The following TTBK1 variants were observed in gnomAD, a reference collection of about 807,000 sequenced individuals.
TTBK1 encodes tau-tubulin kinase 1.
Under a neutral mutation model 108.5 loss-of-function variants are expected in TTBK1, and 34 were observed. The ratio of observed to expected loss-of-function variants is 0.31; its 90% CI spans 0.24 to 0.42. The LOEUF (loss-of-function observed/expected upper bound fraction) is 0.42, where lower values mean the gene tolerates loss of function less well. TTBK1 is among the 10% of genes least tolerant of loss of function. The pLI is 1.00. For missense variants in TTBK1, 1,539 were observed against 1,826.0 expected (o/e 0.84, Z 2.86); for synonymous variants, 809 against 795.1 (o/e 1.02, Z -0.29).
Position 43,283,324 on chromosome 6 carries a change from C to T in TTBK1, c.2584C>T (p.Leu862=). 17 of 1,586,492 alleles carry T rather than the reference C, an allele frequency of 1.1e-5. No individual in the cohort carries two copies. Among genetic ancestry groups the T allele is most frequent in the Non-Finnish European group, 1.3e-5 (15 of 1,166,500 alleles). Residue 862 remains leucine, a synonymous_variant, in exon 14 of 15, where the codon CTG becomes TTG. Transcript: ENST00000259750. This position sits in a 1 kb window ranked among gnomAD's most constrained non-coding sequence, Gnocchi z 8.1. ...GGCCCCCGACCCCGACCTGGGCACC[C>T]TGGCTGCCCTCACTCCTCAGCATGA... is the stretch of plus-strand genomic sequence containing the variant. ...ELAPDPDLGT[L]AALTPQHERP... is the part of the protein sequence containing the mutation.
chr6:43,270,969 A>G lies in TTBK1; in HGVS notation c.1986+7619A>G, dbSNP rs574711635. On this transcript the variant is annotated intron_variant, in intron 13 of 14. Transcript: ENST00000259750. ...GGCGGTGGTGAAGACACAGCAGAAG[A>G]GAGGCAGGTTGGATAGGGATCTGGA... is the stretch of plus-strand genomic sequence containing the variant. 9 of 985,476 alleles carry G rather than the reference A, an allele frequency of 9.1e-6. No homozygotes were observed. In the South Asian group the frequency reaches 4.2e-4, roughly 46 times the overall value. 61.0% of individuals were successfully genotyped at this position (985,476 alleles called of 1,614,324 possible).
At chr6:43,280,352 G>A (rs1437040033) in intron 13 of TTBK1, among the ~76,000 whole-genome samples, 1 of 152,192 alleles carries the variant, frequency 6.6e-6, no homozygotes, top group Non-Finnish European at 1.5e-5. Context: ...TGGGGAGGGG[G>A]CCAATGACCT....
chr6:43,274,743 C>T (rs1777918789), intron 13 of TTBK1, among the ~76,000 whole-genome samples: 1 of 151,940 alleles, frequency 6.6e-6, no homozygotes, highest in African/African-American at 2.4e-5. Context: ...TGTCAAGCAT[C>T]CTTCTCCCTA....
chr6:43,275,038 C>T (rs1777929074), intron 13 of TTBK1, among the ~76,000 whole-genome samples: 1 of 152,182 alleles, frequency 6.6e-6, no homozygotes, highest in African/African-American at 2.4e-5. Context: ...CACTTGGCCA[C>T]TCACTAACCG....
rs2150676453 is a variant in TTBK1, at chr6:43,243,896, C to G, written c.-55+188C>G. Among the ~76,000 whole-genome samples, 1 of 152,254 alleles carries G rather than the reference C, an allele frequency of 6.6e-6. No homozygotes were observed. Among genetic ancestry groups the G allele is most frequent in the South Asian group, 2.1e-4 (1 of 4,828 alleles). The stretch of plus-strand genomic sequence containing the variant: ...CGAGGCCTGGAGCCGCTCCCTGTCC[C>G]CAGCACACAGACCTCCCTCCCCAAC... On this transcript the variant is annotated intron_variant, in intron 1 of 14. Coordinates refer to ENST00000259750, the MANE Select transcript of TTBK1 (RefSeq NM_032538.3). The surrounding 1 kb of genome is among the most constrained non-coding windows in gnomAD (Gnocchi z 5.5).
In TTBK1 at chr6:43,262,824, A is replaced by G. The variant is rs1381404779; in HGVS notation, c.1460A>G (p.Gln487Arg). Reference protein sequence around the residue: ...RMDLPGSPSRQACSSQPAQML... With the variant: ...RMDLPGSPSRRACSSQPAQML... ...GATCTGCCTGGCTCGCCCTCGCGCCAGGCCTGCTCCTCTCAGCCAGCCCAG... is the reference window on the plus strand; with the variant it reads ...GATCTGCCTGGCTCGCCCTCGCGCCGGGCCTGCTCCTCTCAGCCAGCCCAG... The change falls in exon 13 of 15, where the codon CAG becomes CGG. Residue 487 changes from glutamine (Q) to arginine (R), a missense_variant. By Grantham distance (43) the Gln-to-Arg change is conservative. Transcript: ENST00000259750. 1 of 1,593,152 alleles carries G rather than the reference A, an allele frequency of 6.3e-7. No individual in the cohort carries two copies. Among genetic ancestry groups the G allele is most frequent in the Middle Eastern group, 2.0e-4 (1 of 4,880 alleles).
In TTBK1 at chr6:43,276,263, C is replaced by G. The variant is rs1260060087; in HGVS notation, c.1987-6464C>G. ...GAAGCATGCACGAAAAACTCAAAACCACACACACGCTCACACGCACACACA... is the reference window on the plus strand; with the variant it reads ...GAAGCATGCACGAAAAACTCAAAACGACACACACGCTCACACGCACACACA... On this transcript the variant is annotated intron_variant, in intron 13 of 14. Coordinates refer to ENST00000259750, the MANE Select transcript of TTBK1 (RefSeq NM_032538.3). The surrounding 1 kb of genome is among the most constrained non-coding windows in gnomAD (Gnocchi z 5.4). Among the ~76,000 whole-genome samples the G allele has an allele frequency of 6.6e-6, 1 of 152,154 alleles. No individual in the cohort carries two copies. The highest frequency in any genetic ancestry group is 1.5e-5 in the Non-Finnish European group (1 of 68,022).
Position 43,282,740 on chromosome 6 carries a change from C to T in TTBK1, c.2000C>T (p.Ala667Val), listed in dbSNP as rs759427455. 16 of 1,603,902 alleles carry T rather than the reference C, an allele frequency of 1.0e-5. No individual in the cohort carries two copies. Among genetic ancestry groups the T allele is most frequent in the South Asian group, 3.3e-5 (3 of 90,390 alleles). The change falls in exon 14 of 15, where the codon GCG becomes GTG. Residue 667 changes from alanine (A) to valine (V), a missense_variant. Ala to Val is a moderately conservative substitution (Grantham distance 64). Around this residue, in one of 5 missense-constraint regions of TTBK1, gnomAD observed 1,055 missense variants for 1,086.5 expected, o/e 0.97. Transcript: ENST00000259750. This position sits in a 1 kb window ranked among gnomAD's most constrained non-coding sequence, Gnocchi z 5.4. ...TGCCCCTTGCAGGTGTTCTCCGTGGCGCCCCCATTTGAGGTGAATGGCCTC... is the reference window on the plus strand; with the variant it reads ...TGCCCCTTGCAGGTGTTCTCCGTGGTGCCCCCATTTGAGGTGAATGGCCTC... Reference protein sequence around the residue: ...TGPQRQVFSVAPPFEVNGLPR... With the variant: ...TGPQRQVFSVVPPFEVNGLPR...
intron 13 of TTBK1, among the ~76,000 whole-genome samples, chr6:43,267,310 C>T (rs868343911): frequency 6.6e-6 from 1 of 152,224 alleles, no homozygotes; most frequent in South Asian, 2.1e-4. Context: ...GGGCCTATGG[C>T]AGGACCTCCC....
At chr6:43,270,047 C>T (rs2150702662) in intron 13 of TTBK1, 1 of 1,421,458 alleles carries the variant, frequency 7.0e-7, no homozygotes, top group Non-Finnish European at 9.1e-7. Flanking sequence ...ATCACACACT[C>T]ACACATCCCA....
Position 43,283,120 on chromosome 6 carries a change from G to A in TTBK1, c.2380G>A (p.Glu794Lys). 3.2e-6 allele frequency: 5 copies of A among 1,577,758 alleles called. No homozygotes were observed. The highest frequency in any genetic ancestry group is 4.3e-6 in the Non-Finnish European group (5 of 1,162,398). Residue 794 changes from glutamate (E) to lysine (K), a missense_variant, in exon 14 of 15, where the codon GAG (glutamate) becomes AAG (lysine). Around this residue, in one of 5 missense-constraint regions of TTBK1, gnomAD observed 1,055 missense variants for 1,086.5 expected, o/e 0.97. Coordinates refer to ENST00000259750, the MANE Select transcript of TTBK1 (RefSeq NM_032538.3). This position sits in a 1 kb window ranked among gnomAD's most constrained non-coding sequence, Gnocchi z 8.1. The stretch of plus-strand genomic sequence containing the variant: ...TAGTGGCTCCAGCAGTGAGGGGAGT[G>A]AGAGGAGCACTGACCGGAGCCAGGA... ...PRSGSSSEGS[E>K]RSTDRSQEGA...
chr6:43,272,469 A>G lies in TTBK1; in HGVS notation c.1986+9119A>G, dbSNP rs79427556. The G allele has an allele frequency of 9.7e-3, 9,530 of 985,388 alleles. 67 individuals carry two copies. The highest frequency in any genetic ancestry group is 0.011 in the Non-Finnish European group (9,013 of 829,930). 61.0% of individuals were successfully genotyped at this position (985,388 alleles called of 1,614,324 possible). On this transcript the variant is annotated intron_variant, in intron 13 of 14. Transcript: ENST00000259750. ...AGAAGGCGGCTGAGTTTTCAAACACACACCCCCCACCTCAGAACTGACACC... is the reference window on the plus strand; with the variant it reads ...AGAAGGCGGCTGAGTTTTCAAACACGCACCCCCCACCTCAGAACTGACACC...
At position 43,253,439 on chromosome 6, in the gene TTBK1, G is replaced by A; in HGVS notation, c.330+75G>A. The A allele has an allele frequency of 6.2e-7, 1 of 1,603,388 alleles. No individual in the cohort carries two copies. The highest frequency in any genetic ancestry group is 1.3e-5 in the African/African-American group (1 of 74,592). ...TGACTCCAGGGTAGGGGAAGGGAAG[G>A]TAGACTGTGGCCCTGGGAAAGGGCA... On this transcript the variant is annotated intron_variant, in intron 4 of 14. Transcript: ENST00000259750. The surrounding 1 kb of genome is among the most constrained non-coding windows in gnomAD (Gnocchi z 5.8).
Position 43,285,124 on chromosome 6 carries a change from C to A in TTBK1, c.3714C>A (p.Ser1238=). The part of the protein sequence containing the change: ...PAPRSPRLPA[S]TSAARNASAS... ...CGCGCAGCCCGCGCCTCCCCGCGTC[C>A]ACATCCGCCGCGCGCAATGCCAGCG... The change falls in exon 15 of 15, where the codon TCC becomes TCA. Residue 1238 remains serine (S), a synonymous_variant. Coordinates refer to ENST00000259750, the MANE Select transcript of TTBK1 (RefSeq NM_032538.3). This position sits in a 1 kb window ranked among gnomAD's most constrained non-coding sequence, Gnocchi z 4.7. 6.8e-7 allele frequency: 1 copy of A among 1,465,064 alleles called. No individual in the cohort carries two copies. Among genetic ancestry groups the A allele is most frequent in the Non-Finnish European group, 9.0e-7 (1 of 1,115,602 alleles). The allele number at this position is 1,465,064 out of a possible 1,614,324, so 90.8% of individuals were successfully genotyped here.
Position 43,282,597 on chromosome 6 carries a change from A to G in TTBK1, c.1987-130A>G, listed in dbSNP as rs1367738682. On this transcript the variant is annotated intron_variant, in intron 13 of 14. Transcript: ENST00000259750. This position sits in a 1 kb window ranked among gnomAD's most constrained non-coding sequence, Gnocchi z 5.4. ...AAGACAGACCCAGTGCCTGTGCTTAACTTTATGGAGCTCACACTCTGGTAG... is the reference window on the plus strand; with the variant it reads ...AAGACAGACCCAGTGCCTGTGCTTAGCTTTATGGAGCTCACACTCTGGTAG... 1.3e-6 allele frequency: 1 copy of G among 756,734 alleles called. No homozygotes were observed. Among genetic ancestry groups the G allele is most frequent in the Non-Finnish European group, 2.2e-6 (1 of 452,110 alleles). 46.9% of individuals were successfully genotyped at this position (756,734 alleles called of 1,614,324 possible).
At chr6:43,254,817 C>T (rs1238765035) in intron 6 of TTBK1, among the ~76,000 whole-genome samples, 166 bp downstream of exon 6, 4 of 152,122 alleles carry the variant, frequency 2.6e-5, no homozygotes, top group Admixed American at 6.5e-5. Flanking sequence ...CCCCTCTCGC[C>T]GTTAGCCTGT....
Position 43,263,000 on chromosome 6 carries a change from A to G in TTBK1, c.1636A>G (p.Ile546Val), listed in dbSNP as rs767495689. Reference protein sequence around the residue: ...EDFDSKEWVIIDKETELKDFP... With the variant: ...EDFDSKEWVIVDKETELKDFP... ...TTTCGACAGCAAAGAGTGGGTCATC[A>G]TCGACAAGGAGACGGAGCTCAAGGA... The change falls in exon 13 of 15, where the codon ATC becomes GTC. Residue 546 changes from isoleucine (I) to valine (V), a missense_variant. Around this residue, in one of 5 missense-constraint regions of TTBK1, gnomAD observed 1,055 missense variants for 1,086.5 expected, o/e 0.97. Transcript: ENST00000259750. The G allele has an allele frequency of 6.2e-6, 10 of 1,611,308 alleles. No individual in the cohort carries two copies. The highest frequency in any genetic ancestry group is 5.9e-6 in the Non-Finnish European group (7 of 1,178,820).
rs1428116977 is a variant in TTBK1 at position 43,263,128 on chromosome 6, G to A, written c.1764G>A (p.Gly588=). The A allele has an allele frequency of 3.8e-6, 6 of 1,567,914 alleles. No individual in the cohort carries two copies. The South Asian group carries it at 5.8e-5, about 15-fold the overall frequency. Residue 588 remains glycine, a synonymous_variant, in exon 13 of 15, where the codon GGG becomes GGA. Coordinates refer to ENST00000259750, the MANE Select transcript of TTBK1 (RefSeq NM_032538.3). The surrounding 1 kb of genome is among the most constrained non-coding windows in gnomAD (Gnocchi z 4.7). The part of the protein sequence containing the change: ...PEEGEERRRL[G]AEPTVRPRGR... Reference sequence around the variant, plus strand: ...AGGGCGAAGAGCGGCGGCGGCTGGGGGCAGAGCCCACCGTCCGGCCCCGGG... The same window carrying A: ...AGGGCGAAGAGCGGCGGCGGCTGGGAGCAGAGCCCACCGTCCGGCCCCGGG...
chr6:43,256,017 C>G (rs1777371935), intron 9 of TTBK1, among the ~76,000 whole-genome samples, 161 bp downstream of exon 9: 1 of 152,216 alleles, frequency 6.6e-6, no homozygotes, highest in South Asian at 2.1e-4. Context: ...CTCTTGTAAA[C>G]TAGTCACAGC....
Sources: gnomAD v4.1 joint callset for allele counts (sites outside exome capture counted in the v4.1 genomes callset) on GRCh38, gnomAD v4.1.1 for gene constraint, gnomAD v4.1.1 regional missense constraint, Gnocchi (gnomAD v3.1) non-coding constraint, MANE v1.5 for transcripts, NCBI Gene and HGNC (gene_info 2026-07-23, HGNC 2026-07-21) for gene names.